GPR83: variants seen among roughly 807,000 people sequenced by gnomAD.
The protein encoded by GPR83 is G-protein coupled receptor 72.
Under a neutral mutation model 28.0 loss-of-function variants are expected in GPR83, and 23 were observed. The ratio of observed to expected loss-of-function variants is 0.82; its 90% CI spans 0.59 to 1.16. GPR83 has a LOEUF of 1.16. GPR83 is among the 50% of genes most tolerant of loss of function. The pLI is 0.00. For missense variants in GPR83, 610 were observed against 536.6 expected, an observed-to-expected ratio of 1.14 and a Z score of -1.35; for synonymous variants, 234 against 215.4, an observed-to-expected ratio of 1.09 and a Z score of -0.76.
chr11:94,388,846 A>T (rs1944785318), intron 3 of GPR83, among the ~76,000 whole-genome samples: 1 of 152,208 alleles, frequency 6.6e-6, no homozygotes, highest in Non-Finnish European at 1.5e-5. Context: ...ATGGAACCAA[A>T]AAAGAGCCCA....
rs1944663306 is a variant in GPR83, at chr11:94,379,649, A to G, written c.*500T>C. On this transcript the variant is annotated 3_prime_UTR_variant, in exon 4 of 4. Transcript: ENST00000243673. The stretch of plus-strand genomic sequence containing the variant: ...GAAGACTTATGATTCATCATGGCCC[A>G]GTGACTCCAGAAAGTGAGGCATAAA... 1 of 152,686 alleles carries G rather than the reference A, an allele frequency of 6.5e-6. No individual in the cohort carries two copies. Among genetic ancestry groups the G allele is most frequent in the Admixed American group, 6.5e-5 (1 of 15,300 alleles). 9.5% of individuals were successfully genotyped at this position (152,686 alleles called of 1,614,324 possible).
intron 3 of GPR83, among the ~76,000 whole-genome samples, chr11:94,389,509 G>A (rs1271304788): frequency 6.6e-6 from 1 of 152,170 alleles, no homozygotes; most frequent in Non-Finnish European, 1.5e-5. Flanking sequence ...AGTGGGCGAA[G>A]GATATGAACC....
chr11:94,390,643 A>ATGGT (rs1288090964), intron 3 of GPR83, among the ~76,000 whole-genome samples: 2 of 152,218 alleles, frequency 1.3e-5, no homozygotes, highest in Non-Finnish European at 2.9e-5. Context: ...TACTAAATCA[A>ATGGT]TGTGCAAAAA....
At chr11:94,399,782 C>T (rs1944894530) in intron 1 of GPR83, among the ~76,000 whole-genome samples, 1 of 152,162 alleles carries the variant, frequency 6.6e-6, no homozygotes, top group Non-Finnish European at 1.5e-5. Context: ...AAAAATATAA[C>T]ACACTAGAGA....
At chr11:94,386,248 C>A (rs1944754112) in intron 3 of GPR83, among the ~76,000 whole-genome samples, 1 of 152,134 alleles carries the variant, frequency 6.6e-6, no homozygotes, top group African/African-American at 2.4e-5. Flanking sequence ...AAAAACATGC[C>A]AAATTGTAAA....
intron 3 of GPR83, among the ~76,000 whole-genome samples, chr11:94,388,021 T>C (rs889175455): frequency 6.5e-4 from 99 of 152,286 alleles, no homozygotes; most frequent in African/African-American, 2.3e-3. Context: ...TGGTTCAACA[T>C]ATACAAATCA....
intron 3 of GPR83, among the ~76,000 whole-genome samples, chr11:94,388,126 C>G (rs972365728): frequency 2.6e-5 from 4 of 152,108 alleles, no homozygotes; most frequent in African/African-American, 9.7e-5. Flanking sequence ...ATTCAACAGC[C>G]CTTCATGCTA....
chr11:94,393,897 C>T (rs571698271), intron 2 of GPR83, among the ~76,000 whole-genome samples: 25 of 152,160 alleles, frequency 1.6e-4, no homozygotes, highest in Admixed American at 5.2e-4. Context: ...AGTCAAGCAC[C>T]CCTTATGTTC....
In GPR83 at chr11:94,379,898, A is replaced by C. The variant is rs2134679082; in HGVS notation, c.*251T>G. On this transcript the variant is annotated 3_prime_UTR_variant, in exon 4 of 4. Transcript: ENST00000243673. ...AACGTTGTCCTCGCTCCTCTTCCTC[A>C]GAGATACAGGCTGCTGTGCCTCCCA... is the stretch of plus-strand genomic sequence containing the variant. 3 of 339,250 alleles carry C rather than the reference A, an allele frequency of 8.8e-6. No individual in the cohort carries two copies. Among genetic ancestry groups the C allele is most frequent in the Non-Finnish European group, 1.1e-5 (2 of 186,780 alleles). 21.0% of individuals were successfully genotyped at this position (339,250 alleles called of 1,614,324 possible).
intron 2 of GPR83, among the ~76,000 whole-genome samples, chr11:94,394,025 C>T (rs1047959440): frequency 3.3e-5 from 5 of 151,986 alleles, no homozygotes; most frequent in African/African-American, 1.2e-4. Flanking sequence ...TTCAGAAAAC[C>T]GGGGCAGGTC....
At chr11:94,388,530 C>G (rs1229228660) in intron 3 of GPR83, among the ~76,000 whole-genome samples, 3 of 152,224 alleles carry the variant, frequency 2.0e-5, no homozygotes, top group African/African-American at 7.2e-5. Flanking sequence ...ACACCAATAA[C>G]AGACAAACAG....
At chr11:94,390,982 T>A in intron 3 of GPR83, among the ~76,000 whole-genome samples, 1 of 152,128 alleles carries the variant, frequency 6.6e-6, no homozygotes, top group East Asian at 1.9e-4. Context: ...ACTTTAAAAT[T>A]CGTATGGAAC....
chr11:94,387,032 ACCG>A (rs1944764479), intron 3 of GPR83, among the ~76,000 whole-genome samples: 1 of 152,184 alleles, frequency 6.6e-6, no homozygotes, highest in African/African-American at 2.4e-5. Flanking sequence ...CTCACTCAAA[ACCG>A]CTCAACTACA....
intron 2 of GPR83, among the ~76,000 whole-genome samples, chr11:94,394,301 T>G (rs567471333): frequency 6.6e-6 from 1 of 152,198 alleles, no homozygotes; most frequent in Non-Finnish European, 1.5e-5. Context: ...CAGACACTTA[T>G]GTGGGAACTC....
chr11:94,387,671 T>G (rs1435479913), intron 3 of GPR83, among the ~76,000 whole-genome samples: 2 of 152,174 alleles, frequency 1.3e-5, no homozygotes, highest in African/African-American at 4.8e-5. Flanking sequence ...GGCTCTGAAA[T>G]GGAGGCAATA....
At chr11:94,381,548 GGAGT>G (rs964045839) in intron 3 of GPR83, among the ~76,000 whole-genome samples, 4 of 52,580 alleles carry the variant, frequency 7.6e-5, no homozygotes, top group African/African-American at 2.3e-4. Flanking sequence ...TTTTGTCACA[GGAGT>G]GAGTGAGTGT....
chr11:94,386,156 T>A (rs992908197), intron 3 of GPR83, among the ~76,000 whole-genome samples: 1 of 152,152 alleles, frequency 6.6e-6, no homozygotes, highest in Non-Finnish European at 1.5e-5. Flanking sequence ...GCTGAGAGAC[T>A]CTGTCACCAC....
At chr11:94,385,965 A>T (rs1184406311) in intron 3 of GPR83, among the ~76,000 whole-genome samples, 3 of 152,242 alleles carry the variant, frequency 2.0e-5, no homozygotes, top group Admixed American at 6.5e-5. Flanking sequence ...CGGGTTACCC[A>T]CAAAGGGAAG....
intron 2 of GPR83, among the ~76,000 whole-genome samples, chr11:94,395,656 G>C (rs1944858846): frequency 6.6e-6 from 1 of 152,188 alleles, no homozygotes; most frequent in Non-Finnish European, 1.5e-5. Flanking sequence ...TGATGTCCTG[G>C]TCAGTTCCTT....
Sources: gnomAD v4.1 joint callset for allele counts (sites outside exome capture counted in the v4.1 genomes callset) on GRCh38, gnomAD v4.1.1 for gene constraint, MANE v1.5 for transcripts, NCBI Gene and HGNC (gene_info 2026-07-23, HGNC 2026-07-21) for gene names.